The following KCNIP4 variants were observed in gnomAD, a reference collection of about 807,000 sequenced individuals.
KCNIP4 encodes Kv channel-interacting protein 4.
In KCNIP4, 12 loss-of-function variants were observed where a neutral mutation model predicts 34.0. The observed-to-expected ratio is 0.35, with a 90% confidence interval of 0.23 to 0.57. KCNIP4 has a LOEUF of 0.57. Ranked by LOEUF, KCNIP4 falls within the 20% of genes least tolerant of loss-of-function variation. KCNIP4 has a pLI of 0.83. For missense variants in KCNIP4, 238 were observed against 311.7 expected (o/e 0.76, Z 1.78); for synonymous variants, 124 against 102.2 (o/e 1.21, Z -1.29).
chr4:21,062,456 T>A (rs1033635978), intron 1 of KCNIP4, among the ~76,000 whole-genome samples: 1 of 152,058 alleles, frequency 6.6e-6, no homozygotes, highest in African/African-American at 2.4e-5. Context: ...GAGGCCAACC[T>A]AACCCATATG....
chr4:21,454,995 C>T (rs1463973464), intron 1 of KCNIP4, among the ~76,000 whole-genome samples: 2 of 151,980 alleles, frequency 1.3e-5, no homozygotes, highest in Non-Finnish European at 2.9e-5. Flanking sequence ...ACTGAGAGTA[C>T]CAAGTTCTGG....
At chr4:21,206,342 T>C (rs1345127197) in intron 1 of KCNIP4, among the ~76,000 whole-genome samples, 2 of 152,226 alleles carry the variant, frequency 1.3e-5, no homozygotes, top group Non-Finnish European at 2.9e-5. Context: ...AAATTAGTCA[T>C]ACTAAGTGGC....
intron 1 of KCNIP4, among the ~76,000 whole-genome samples, chr4:21,744,193 T>C (rs1303852904): frequency 1.3e-5 from 2 of 152,182 alleles, no homozygotes; most frequent in African/African-American, 2.4e-5. Flanking sequence ...CCACAATCTA[T>C]ACAGTGAGGA....
chr4:20,977,222 G>T (rs1230708027), intron 1 of KCNIP4, among the ~76,000 whole-genome samples: 1 of 152,094 alleles, frequency 6.6e-6, no homozygotes, highest in Non-Finnish European at 1.5e-5. Flanking sequence ...TACAGCTTTT[G>T]TCTCTGTCTA....
intron 1 of KCNIP4, among the ~76,000 whole-genome samples, chr4:21,546,155 C>T (rs919506858): frequency 6.6e-6 from 1 of 152,116 alleles, no homozygotes; most frequent in African/African-American, 2.4e-5. Flanking sequence ...GACCCACTCA[C>T]ATAATTTTGC....
chr4:21,798,562 A>AAAAG (rs71193411), intron 1 of KCNIP4, among the ~76,000 whole-genome samples: 15,158 of 116,844 alleles, frequency 0.13, 962 homozygotes, highest in Non-Finnish European at 0.17. Flanking sequence ...GAGAGAAAGA[A>AAAAG]AAAGAAAGAA....
At chr4:21,099,643 G>T (rs1747767660) in intron 1 of KCNIP4, among the ~76,000 whole-genome samples, 1 of 152,038 alleles carries the variant, frequency 6.6e-6, no homozygotes, top group Admixed American at 6.6e-5. Flanking sequence ...AAAGAAAAAA[G>T]AAAGAAATAA....
intron 1 of KCNIP4, among the ~76,000 whole-genome samples, chr4:21,443,966 A>C (rs956106279): frequency 6.6e-6 from 1 of 152,186 alleles, no homozygotes; most frequent in Non-Finnish European, 1.5e-5. Context: ...CCACAGAAAT[A>C]CAAACTACCA....
chr4:20,768,875 C>A (rs958347137), intron 3 of KCNIP4, among the ~76,000 whole-genome samples: 1 of 152,072 alleles, frequency 6.6e-6, no homozygotes, highest in South Asian at 2.1e-4. Context: ...GACCTAGATA[C>A]TATCCTTGGA....
chr4:21,532,761 G>C (rs1340885609), intron 1 of KCNIP4, among the ~76,000 whole-genome samples: 1 of 152,096 alleles, frequency 6.6e-6, no homozygotes, highest in Non-Finnish European at 1.5e-5. Context: ...TGATGGGCAG[G>C]CAGCAGTGTT....
At chr4:20,903,486 A>G (rs539884300) in intron 1 of KCNIP4, among the ~76,000 whole-genome samples, 1 of 152,120 alleles carries the variant, frequency 6.6e-6, no homozygotes, top group South Asian at 2.1e-4. Flanking sequence ...GGTCTCCACA[A>G]TCTTTTATCT....
intron 4 of KCNIP4, among the ~76,000 whole-genome samples, chr4:20,750,537 T>A (rs1037982660): frequency 5.9e-5 from 9 of 152,174 alleles, no homozygotes; most frequent in Non-Finnish European, 8.8e-5. Context: ...GTGTTCTTAG[T>A]TTGCTTCTAT....
intron 1 of KCNIP4, among the ~76,000 whole-genome samples, chr4:21,031,554 G>A (rs1329428591): frequency 2.0e-5 from 3 of 152,078 alleles, no homozygotes; most frequent in African/African-American, 7.2e-5. Flanking sequence ...CAAATCTCTG[G>A]GTGAATTTTG....
chr4:21,863,174 C>T (rs1378624129), intron 1 of KCNIP4, among the ~76,000 whole-genome samples: 1 of 151,308 alleles, frequency 6.6e-6, no homozygotes, highest in African/African-American at 2.4e-5. Flanking sequence ...TCATCAAAAG[C>T]AATCCAGAAT....
intron 1 of KCNIP4, among the ~76,000 whole-genome samples, chr4:21,594,020 G>A (rs558833270): frequency 1.3e-3 from 191 of 152,146 alleles, no homozygotes; most frequent in African/African-American, 4.3e-3. Context: ...GGGCCTGCAT[G>A]TATGTAGGAA....
intron 1 of KCNIP4, among the ~76,000 whole-genome samples, chr4:21,708,497 C>G (rs1433740454): frequency 6.6e-6 from 1 of 152,008 alleles, no homozygotes; most frequent in Admixed American, 6.6e-5. Context: ...AAGCCAAATA[C>G]CATCTTGGAA....
intron 1 of KCNIP4, among the ~76,000 whole-genome samples, chr4:21,221,735 G>T (rs1343900644): frequency 1.3e-5 from 2 of 152,136 alleles, no homozygotes; most frequent in Non-Finnish European, 2.9e-5. Flanking sequence ...TGAAAGGCTG[G>T]AATGAAATAA....
At chr4:21,346,353 T>C (rs1339602744) in intron 1 of KCNIP4, among the ~76,000 whole-genome samples, 1 of 133,756 alleles carries the variant, frequency 7.5e-6, no homozygotes, top group African/African-American at 2.8e-5. Flanking sequence ...AATAGCCTTG[T>C]AGCCAAGAAT....
intron 1 of KCNIP4, among the ~76,000 whole-genome samples, chr4:21,344,903 G>A (rs1717140683): frequency 6.6e-6 from 1 of 152,176 alleles, no homozygotes; most frequent in Admixed American, 6.6e-5. Context: ...AGATACTACA[G>A]AACTCAAGTC....
Sources: allele counts gnomAD v4.1 joint callset (sites outside exome capture counted in the v4.1 genomes callset), GRCh38; gene constraint gnomAD v4.1.1; transcripts MANE v1.5; gene names NCBI Gene and HGNC (gene_info 2026-07-23, HGNC 2026-07-21).